Variants in PRKAR2A observed in about 807,000 individuals in gnomAD.
PRKAR2A encodes cAMP-dependent protein kinase type II-alpha regulatory subunit.
A neutral mutation model predicts 51.9 loss-of-function variants in PRKAR2A; 29 were observed. The observed-to-expected ratio is 0.56, with a 90% CI of 0.42 to 0.76. The LOEUF (loss-of-function observed/expected upper bound fraction) is 0.76. Ranked by LOEUF, PRKAR2A falls within the 30% of genes least tolerant of loss-of-function variation. The pLI is 0.00. For missense variants in PRKAR2A, 445 were observed against 512.1 expected, an observed-to-expected ratio of 0.87 and a Z score of 1.26; for synonymous variants, 178 against 186.2, an observed-to-expected ratio of 0.96 and a Z score of 0.36.
At chr3:48,787,186 T>G (rs559993059) in intron 4 of PRKAR2A, among the ~76,000 whole-genome samples, 33 of 150,568 alleles carry the variant, frequency 2.2e-4, no homozygotes, top group South Asian at 1.5e-3. Context: ...ATTTATTTAT[T>G]TATGTATTTA....
At chr3:48,793,527 C>T (rs571108161) in intron 3 of PRKAR2A, among the ~76,000 whole-genome samples, 3 of 152,270 alleles carry the variant, frequency 2.0e-5, no homozygotes, top group Admixed American at 2.0e-4. Flanking sequence ...CCCACCTCAA[C>T]CTCCCAAAGT....
intron 4 of PRKAR2A, among the ~76,000 whole-genome samples, chr3:48,789,777 G>A (rs1436218776): frequency 6.6e-6 from 1 of 151,932 alleles, no homozygotes; most frequent in Non-Finnish European, 1.5e-5. Flanking sequence ...CCAGCCAGAA[G>A]ATTCATTCTT....
In PRKAR2A at chr3:48,847,286, C is replaced by A; in HGVS notation, c.262+49G>T. Reference sequence around the variant, plus strand: ...CCTGGCTCCCTGCCACCCCTCTAGACCTCTGGAGACCTCCTGCACCACTCC... The same window carrying A: ...CCTGGCTCCCTGCCACCCCTCTAGAACTCTGGAGACCTCCTGCACCACTCC... On this transcript the variant is annotated intron_variant, in intron 1 of 10. Transcript: ENST00000265563. This position sits in a 1 kb window ranked among gnomAD's most constrained non-coding sequence, Gnocchi z 4.4. The A allele has an allele frequency of 1.2e-6, 2 of 1,601,514 alleles. No individual in the cohort carries two copies. Among genetic ancestry groups the A allele is most frequent in the East Asian group, 2.3e-5 (1 of 44,060 alleles).
At position 48,836,476 on chromosome 3, in the gene PRKAR2A, TAA is replaced by T. The variant is rs59774827; in HGVS notation, c.262+10857_262+10858del. On this transcript the variant is annotated intron_variant, in intron 1 of 10. Transcript: ENST00000265563. ...GAAAGCTTTTTTAATATATATATAT[TAA>T]AAAAAAAAAACTCAAAATGTACCAA... Among the ~76,000 whole-genome samples, 77 of 121,866 alleles carry T rather than the reference TAA, an allele frequency of 6.3e-4. 1 individual carries two copies. The highest frequency in any genetic ancestry group is 3.9e-3 in the Middle Eastern group (1 of 254). The allele number at this position is 121,866 out of a possible 152,430, so 79.9% of individuals were successfully genotyped here. A position where few individuals can be genotyped will look rare whatever the true frequency, so the allele number is the denominator to read the frequency against.
chr3:48,825,070 T>C (rs1345175559), intron 1 of PRKAR2A, among the ~76,000 whole-genome samples: 2 of 144,468 alleles, frequency 1.4e-5, no homozygotes, highest in Non-Finnish European at 1.5e-5. Flanking sequence ...GTTTCACTCT[T>C]GTTGCCCAGG....
intron 1 of PRKAR2A, among the ~76,000 whole-genome samples, chr3:48,813,696 AAAAACAAAACAAAAC>A (rs201402882): frequency 1.3e-5 from 2 of 151,892 alleles, no homozygotes; most frequent in African/African-American, 2.4e-5. Flanking sequence ...TCCATCTCAA[AAAAACAAAACAAAAC>A]AAAACAAAAC....
intron 4 of PRKAR2A, among the ~76,000 whole-genome samples, chr3:48,786,414 C>T (rs565501072): frequency 2.0e-5 from 3 of 150,012 alleles, no homozygotes; most frequent in East Asian, 2.0e-4. Context: ...CATGAGCCAT[C>T]GCGCCCGGCT....
intron 4 of PRKAR2A, among the ~76,000 whole-genome samples, chr3:48,784,968 C>T (rs1456840433): frequency 1.3e-5 from 2 of 152,088 alleles, no homozygotes; most frequent in African/African-American, 2.4e-5. Flanking sequence ...AAACAAAAAG[C>T]TATACAGAAC....
At chr3:48,800,498 C>T (rs1393096123) in intron 2 of PRKAR2A, among the ~76,000 whole-genome samples, 3 of 147,740 alleles carry the variant, frequency 2.0e-5, no homozygotes, top group African/African-American at 5.0e-5. Flanking sequence ...AGTAACAGAG[C>T]GAGACTCCGT....
chr3:48,751,713 C>T lies in PRKAR2A; in HGVS notation c.1087G>A (p.Asp363Asn), dbSNP rs762044416. 2 of 1,610,934 alleles carry T rather than the reference C, an allele frequency of 1.2e-6. No individual in the cohort carries two copies. Among genetic ancestry groups the T allele is most frequent in the South Asian group, 2.2e-5 (2 of 90,958 alleles). The change falls in exon 11 of 11, where the codon GAT becomes AAT. Residue 363 changes from aspartate (D) to asparagine (N), a missense_variant. Asp to Asn is a conservative substitution (Grantham distance 23). Transcript: ENST00000265563. The part of the protein sequence containing the change: ...AVGDVKCLVM[D>N]VQAFERLLGP... ...AGAAGCCTCTCGAATGCTTGTACAT[C>T]CATAACTGCATTGTTAAAAAGAGGT...
intron 6 of PRKAR2A, among the ~76,000 whole-genome samples, chr3:48,769,901 C>T (rs2082004935): frequency 6.6e-6 from 1 of 152,106 alleles, no homozygotes; most frequent in Non-Finnish European, 1.5e-5. Flanking sequence ...ACTCAGCGTC[C>T]CAAGTAGCTG....
At chr3:48,766,230 TCAACAACAA>T (rs370460045) in intron 6 of PRKAR2A, among the ~76,000 whole-genome samples, 2 of 147,828 alleles carry the variant, frequency 1.4e-5, no homozygotes, top group East Asian at 2.0e-4. Context: ...AACAACAATA[TCAACAACAA>T]CAACAACAAC....
At chr3:48,799,517 C>G (rs1288305649) in intron 2 of PRKAR2A, among the ~76,000 whole-genome samples, 1 of 152,098 alleles carries the variant, frequency 6.6e-6, no homozygotes, top group Non-Finnish European at 1.5e-5. Context: ...TTAAGCAATA[C>G]TTAGTAATAT....
chr3:48,842,300 A>G (rs1330029098), intron 1 of PRKAR2A, among the ~76,000 whole-genome samples: 1 of 152,202 alleles, frequency 6.6e-6, no homozygotes, highest in Non-Finnish European at 1.5e-5. Flanking sequence ...TTATCAGCTT[A>G]AGGAGATTTG....
At chr3:48,794,526 C>T (rs535912545) in intron 2 of PRKAR2A, among the ~76,000 whole-genome samples, 2 of 152,092 alleles carry the variant, frequency 1.3e-5, no homozygotes, top group South Asian at 2.1e-4. Flanking sequence ...GAAACCCCAT[C>T]TCTACTAAAA....
At chr3:48,771,152 T>G (rs2082023458) in intron 6 of PRKAR2A, among the ~76,000 whole-genome samples, 1 of 151,962 alleles carries the variant, frequency 6.6e-6, no homozygotes, top group Non-Finnish European at 1.5e-5. Flanking sequence ...GAGAATCGCT[T>G]GAACCCAGGA....
chr3:48,844,356 T>C (rs1246135479), intron 1 of PRKAR2A, among the ~76,000 whole-genome samples: 1 of 150,848 alleles, frequency 6.6e-6, no homozygotes, highest in African/African-American at 2.4e-5. Context: ...GGAGAGGATG[T>C]GGAGAAATAG....
chr3:48,760,493 T>C (rs895805248), intron 8 of PRKAR2A, among the ~76,000 whole-genome samples: 8 of 151,452 alleles, frequency 5.3e-5, no homozygotes, highest in Non-Finnish European at 1.2e-4. Context: ...ATGGGCAACA[T>C]AGAGAGGCCC....
intron 3 of PRKAR2A, among the ~76,000 whole-genome samples, chr3:48,791,322 C>T (rs1432740525): frequency 4.5e-5 from 6 of 134,714 alleles, no homozygotes; most frequent in South Asian, 2.4e-4. Context: ...AAGGGCTGGG[C>T]GTGGTGGCGC....
Sources: gnomAD v4.1 joint callset for allele counts (sites outside exome capture counted in the v4.1 genomes callset) on GRCh38, gnomAD v4.1.1 for gene constraint, Gnocchi (gnomAD v3.1) non-coding constraint, MANE v1.5 for transcripts, NCBI Gene and HGNC (gene_info 2026-07-23, HGNC 2026-07-21) for gene names.